ZPBP: variants seen among roughly 807,000 people sequenced by gnomAD.
The protein encoded by ZPBP is zona pellucida-binding protein 1.
In ZPBP, 26 loss-of-function variants were observed where a neutral mutation model predicts 44.8. That is an observed-to-expected ratio of 0.58 (90% CI 0.43 to 0.81). The LOEUF (loss-of-function observed/expected upper bound fraction) is 0.81, where lower values mean the gene tolerates loss of function less well. Among genes scored for constraint, ZPBP ranks in the 30% least tolerant of loss-of-function variants. ZPBP has a pLI of 0.00. For synonymous variants in ZPBP, 174 were observed against 153.2 expected (o/e 1.14, Z -1.00); for missense variants, 409 against 434.0 (o/e 0.94, Z 0.51).
intron 2 of ZPBP, among the ~76,000 whole-genome samples, chr7:50,086,429 G>A (rs898221284): frequency 6.6e-6 from 1 of 152,034 alleles, no homozygotes; most frequent in African/African-American, 2.4e-5. Flanking sequence ...AATATTTTAA[G>A]TTAGATATTT....
intron 2 of ZPBP, among the ~76,000 whole-genome samples, chr7:49,857,035 A>AAAAAAAAAAT (rs1790453465): frequency 7.2e-6 from 1 of 138,828 alleles, no homozygotes; most frequent in Non-Finnish European, 1.6e-5. Context: ...AAAAAAAAAA[A>AAAAAAAAAAT]AAAAAAGACG....
chr7:49,941,380 A>G (rs1006380491), intron 7 of ZPBP, among the ~76,000 whole-genome samples: 1 of 152,286 alleles, frequency 6.6e-6, no homozygotes, highest in East Asian at 1.9e-4. Flanking sequence ...ACAATGGCCA[A>G]AAGGTGGAAA....
chr7:50,005,311 T>C (rs1264217497), intron 6 of ZPBP, among the ~76,000 whole-genome samples: 2 of 151,966 alleles, frequency 1.3e-5, no homozygotes, highest in East Asian at 1.9e-4. Flanking sequence ...CAAAGTCTTA[T>C]AAAAATATAA....
intron 7 of ZPBP, among the ~76,000 whole-genome samples, chr7:49,975,805 CAGG>C (rs1173365688): frequency 6.6e-6 from 1 of 152,114 alleles, no homozygotes; most frequent in African/African-American, 2.4e-5. Context: ...TCCAGTATCT[CAGG>C]AGAAGAGGCA....
chr7:50,040,283 A>G (rs1326187079), intron 4 of ZPBP, among the ~76,000 whole-genome samples: 1 of 152,258 alleles, frequency 6.6e-6, no homozygotes, highest in Non-Finnish European at 1.5e-5. Context: ...AAAGTAATAG[A>G]ATGTTAAAAG....
chr7:49,855,068 C>T (rs773249280), intron 2 of ZPBP, among the ~76,000 whole-genome samples: 4 of 151,988 alleles, frequency 2.6e-5, no homozygotes, highest in African/African-American at 2.4e-5. Flanking sequence ...ATTTGAAAAT[C>T]GAAAAATAAA....
chr7:49,969,818 T>G (rs1355039), intron 7 of ZPBP, among the ~76,000 whole-genome samples: 4,546 of 123,428 alleles, frequency 0.037, 293 homozygotes, highest in Admixed American at 0.18. Context: ...TATATATATA[T>G]AGAGAGAGAG....
intron 5 of ZPBP, among the ~76,000 whole-genome samples, chr7:50,026,698 A>C (rs529720736): frequency 6.6e-6 from 1 of 151,942 alleles, no homozygotes; most frequent in East Asian, 1.9e-4. Flanking sequence ...CAATTCCCTA[A>C]ATTTCTATGG....
At chr7:49,983,014 T>C (rs986286217) in intron 7 of ZPBP, among the ~76,000 whole-genome samples, 2 of 151,986 alleles carry the variant, frequency 1.3e-5, no homozygotes, top group African/African-American at 4.8e-5. Flanking sequence ...CCTAAACTCA[T>C]CAATAGTAGA....
At chr7:50,028,833 A>C (rs1160867944) in intron 5 of ZPBP, among the ~76,000 whole-genome samples, 1 of 111,664 alleles carries the variant, frequency 9.0e-6, no homozygotes, top group Admixed American at 8.0e-5. Context: ...TGCTGAAAGA[A>C]ATTACACAAG....
chr7:50,038,500 G>C (rs139715144), intron 4 of ZPBP, among the ~76,000 whole-genome samples: 1 of 152,236 alleles, frequency 6.6e-6, no homozygotes, highest in Non-Finnish European at 1.5e-5. Flanking sequence ...ATTTCCTAGG[G>C]CACTGTTGAA....
intron 1 of ZPBP, chr7:50,092,834 C>T: frequency 5.8e-6 from 3 of 515,808 alleles, no homozygotes; most frequent in Non-Finnish European, 9.5e-6. Flanking sequence ...AAAACTTCAA[C>T]TGTGGGTGAC....
intron 1 of ZPBP, among the ~76,000 whole-genome samples, chr7:49,904,883 C>G (rs1793002075): frequency 1.3e-5 from 2 of 151,892 alleles, no homozygotes; most frequent in Admixed American, 1.3e-4. Context: ...TTATAGGCAC[C>G]TGCCACTGCA....
chr7:50,009,284 T>G (rs1474355112), intron 6 of ZPBP, among the ~76,000 whole-genome samples: 1 of 150,916 alleles, frequency 6.6e-6, no homozygotes, highest in East Asian at 1.9e-4. Context: ...TGTAAATTCT[T>G]AAAACTTAAT....
chr7:50,085,382 A>G (rs1457434650), intron 2 of ZPBP, among the ~76,000 whole-genome samples: 4 of 152,114 alleles, frequency 2.6e-5, no homozygotes, highest in Non-Finnish European at 5.9e-5. Flanking sequence ...TCCCTAAGGA[A>G]CTAATTAAAA....
intron 1 of ZPBP, among the ~76,000 whole-genome samples, chr7:49,922,862 G>C (rs956060833): frequency 3.3e-5 from 5 of 152,178 alleles, no homozygotes; most frequent in African/African-American, 1.2e-4. Context: ...ATCAGACCCA[G>C]ATATAAAATA....
chr7:50,063,190 G>A (rs916617313), intron 3 of ZPBP, among the ~76,000 whole-genome samples: 2 of 152,276 alleles, frequency 1.3e-5, no homozygotes, highest in Non-Finnish European at 2.9e-5. Context: ...GGAGAGATAA[G>A]GCTCACTAGC....
downstream of ZPBP, among the ~76,000 whole-genome samples, chr7:49,936,633 A>C (rs577583353): frequency 7.4e-4 from 113 of 152,296 alleles, no homozygotes; most frequent in African/African-American, 2.6e-3. Context: ...ATGAAACAAT[A>C]ATTGGAAAAA....
chr7:50,035,370 C>T (rs1345931426), intron 4 of ZPBP, among the ~76,000 whole-genome samples: 4 of 152,206 alleles, frequency 2.6e-5, no homozygotes. Context: ...AAGGCCACTG[C>T]CTTGCTTTCT....
Sources: allele counts gnomAD v4.1 joint callset (sites outside exome capture counted in the v4.1 genomes callset), GRCh38; gene constraint gnomAD v4.1.1; transcripts MANE v1.5; gene names NCBI Gene and HGNC (gene_info 2026-07-23, HGNC 2026-07-21).